C16orf95: variants seen among roughly 807,000 people sequenced by gnomAD.
C16orf95 encodes the protein uncharacterized protein C16orf95.
A neutral mutation model predicts 32.1 loss-of-function variants in C16orf95; 41 were observed. The ratio of observed to expected loss-of-function variants is 1.28; its 90% CI spans 1.00 to 1.66. The LOEUF (loss-of-function observed/expected upper bound fraction) is 1.66. Among genes scored for constraint, C16orf95 ranks in the 40% most tolerant of loss-of-function variants. C16orf95 has a pLI of 0.00. For missense variants in C16orf95, 399 were observed against 325.9 expected (o/e 1.22, Z -1.73); for synonymous variants, 147 against 128.9 (o/e 1.14, Z -0.95).
At chr16:87,306,807 T>G (rs1218548758) in intron 5 of C16orf95, among the ~76,000 whole-genome samples, 2 of 152,224 alleles carry the variant, frequency 1.3e-5, no homozygotes, top group Admixed American at 6.5e-5. Context: ...CTTGAAACAT[T>G]ACTTATATAA....
intron 5 of C16orf95, among the ~76,000 whole-genome samples, chr16:87,307,047 T>A (rs1911060487): frequency 6.6e-6 from 1 of 152,080 alleles, no homozygotes; most frequent in African/African-American, 2.4e-5. Flanking sequence ...TCCCAAGCAT[T>A]CCCCGACCCC....
chr16:87,316,095 A>C (rs1030714218), intron 1 of C16orf95, among the ~76,000 whole-genome samples: 2 of 152,220 alleles, frequency 1.3e-5, no homozygotes, highest in Admixed American at 1.3e-4. Flanking sequence ...AGCTGACTCC[A>C]GCTACACTTG....
chr16:87,316,315 G>C (rs1157884327), intron 1 of C16orf95, among the ~76,000 whole-genome samples: 1 of 152,120 alleles, frequency 6.6e-6, no homozygotes, highest in African/African-American at 2.4e-5. Context: ...CAAAGCACTT[G>C]GGGTTACACA....
chr16:87,316,468 A>T (rs1242164695), intron 1 of C16orf95, among the ~76,000 whole-genome samples: 2 of 152,214 alleles, frequency 1.3e-5, no homozygotes, highest in Middle Eastern at 3.2e-3. Context: ...TAAGAGCGAT[A>T]TAAGTGTTTT....
At chr16:87,313,775 A>C (rs151210811) in intron 3 of C16orf95, among the ~76,000 whole-genome samples, 2 of 152,310 alleles carry the variant, frequency 1.3e-5, no homozygotes, top group East Asian at 3.9e-4. Context: ...TTACAAATTG[A>C]ATCTCGGATC....
chr16:87,314,713 A>G (rs1904304801), intron 3 of C16orf95, among the ~76,000 whole-genome samples: 1 of 152,206 alleles, frequency 6.6e-6, no homozygotes, highest in African/African-American at 2.4e-5. Flanking sequence ...CTGTTTAAAA[A>G]TCACAGATCC....
rs183994350 is a variant in C16orf95 at position 87,303,060 on chromosome 16, A to C, written c.717T>G (p.Val239=). 4.6e-6 allele frequency: 7 copies of C among 1,536,122 alleles called. No homozygotes were observed. Among genetic ancestry groups the C allele is most frequent in the Non-Finnish European group, 6.1e-6 (7 of 1,146,888 alleles). ...VIMAIRQCFG[V] ...ACAGTAGCTGAAGATTCCAACTTCAAACCCCAAAACACTGGCTGGAAAGCA... is the reference window on the plus strand; with the variant it reads ...ACAGTAGCTGAAGATTCCAACTTCACACCCCAAAACACTGGCTGGAAAGCA... The change falls in exon 7 of 7, where the codon GTT becomes GTG. Residue 239 remains valine (V), a synonymous_variant. Coordinates refer to ENST00000567970, the MANE Select transcript of C16orf95 (RefSeq NM_001195124.3).
At chr16:87,315,481 G>A (rs1387342543) in intron 2 of C16orf95, among the ~76,000 whole-genome samples, 1 of 152,222 alleles carries the variant, frequency 6.6e-6, no homozygotes, top group Non-Finnish European at 1.5e-5. Flanking sequence ...TCCATCCCAT[G>A]TGACCTTCGC....
chr16:87,313,981 A>G (rs1204824311), intron 3 of C16orf95, among the ~76,000 whole-genome samples: 1 of 152,188 alleles, frequency 6.6e-6, no homozygotes, highest in African/African-American at 2.4e-5. Flanking sequence ...CTACGATGAG[A>G]CAGATACCCA....
intron 6 of C16orf95, among the ~76,000 whole-genome samples, chr16:87,304,392 CCATGCCCAG>C (rs1910916566): frequency 6.6e-6 from 1 of 151,118 alleles, no homozygotes; most frequent in Non-Finnish European, 1.5e-5. Flanking sequence ...GTGTGGGCCA[CCATGCCCAG>C]CCTTGCCCAT....
chr16:87,316,998 T>C lies in C16orf95; in HGVS notation c.152+93A>G, dbSNP rs112411198. On this transcript the variant is annotated intron_variant, in intron 1 of 6. Coordinates refer to ENST00000567970, the MANE Select transcript of C16orf95 (RefSeq NM_001195124.3). ...GGTTCCTGTGGGTGGCGGTCAAGAG[T>C]TCTGCCTGTGCATAGGTCATGGAGC... 3.3e-5 allele frequency: 46 copies of C among 1,399,862 alleles called. No homozygotes were observed. The African/African-American group carries it at 6.3e-4, about 19-fold the overall frequency. 86.7% of individuals were successfully genotyped at this position (1,399,862 alleles called of 1,614,324 possible).
chr16:87,303,456 C>T (rs1219605949), intron 6 of C16orf95: 1 of 219,590 alleles, frequency 4.6e-6, no homozygotes, highest in Non-Finnish European at 9.3e-6. Context: ...TGCTGTAGCA[C>T]ATCTCTCCAG....
chr16:87,309,537 C>T (rs1911186416), intron 5 of C16orf95, among the ~76,000 whole-genome samples: 2 of 151,728 alleles, frequency 1.3e-5, no homozygotes, highest in African/African-American at 4.8e-5. Flanking sequence ...ACATGTGCCA[C>T]CACACCCAGC....
chr16:87,315,508 A>G lies in C16orf95; in HGVS notation c.204+264T>C, dbSNP rs1380199033. ...GACCTTCGCAACACCCTCAGGCAGG[A>G]AGGAGAGGTGCTGCCATCACCTCCA... On this transcript the variant is annotated intron_variant, in intron 2 of 6. Coordinates refer to ENST00000567970, the MANE Select transcript of C16orf95 (RefSeq NM_001195124.3). Among the ~76,000 whole-genome samples, 3 of 152,324 alleles carry G rather than the reference A, an allele frequency of 2.0e-5. No homozygotes were observed. In the East Asian group the frequency reaches 5.8e-4, roughly 29 times the overall value.
chr16:87,314,633 T>G (rs1370143199), intron 3 of C16orf95, among the ~76,000 whole-genome samples: 1 of 152,184 alleles, frequency 6.6e-6, no homozygotes, highest in Non-Finnish European at 1.5e-5. Flanking sequence ...CTTACCACAT[T>G]GTACATTTGA....
rs141524047 is a variant in C16orf95 at position 87,310,065 on chromosome 16, G to A, written c.514+232C>T. On this transcript the variant is annotated intron_variant, in intron 5 of 6. Transcript: ENST00000567970. ...GGTTTCATCCAGAGAACCGATGCTG[G>A]CAGATGGGTAGGGTCTGCCTGTAGA... Among the ~76,000 whole-genome samples, 1,477 of 152,268 alleles carry A rather than the reference G, an allele frequency of 9.7e-3. 32 individuals carry two copies. The highest frequency in any genetic ancestry group is 0.034 in the African/African-American group (1,428 of 41,542).
At position 87,311,041 on chromosome 16, in the gene C16orf95, G is replaced by A. The variant is rs377279775; in HGVS notation, c.477+109C>T. The A allele has an allele frequency of 3.5e-5, 39 of 1,102,158 alleles. No homozygotes were observed. In the African/African-American group the frequency reaches 5.9e-4, roughly 17 times the overall value. The allele number at this position is 1,102,158 out of a possible 1,614,324, so 68.3% of individuals were successfully genotyped here. On this transcript the variant is annotated intron_variant, in intron 4 of 6. Transcript: ENST00000567970. The stretch of plus-strand genomic sequence containing the variant: ...TCTCTGGACACCAGCAGAGGCCTTT[G>A]TGGGAGCAGAGCCCAGGTACCCCTC...
Position 87,302,922 on chromosome 16 carries a change from G to T in C16orf95, c.*135C>A. ...AATCACCTGATGAGAAATCATTTGG[G>T]TTGAATCCTGGGTGTGGATTCTGTT... On this transcript the variant is annotated 3_prime_UTR_variant, in exon 7 of 7. Coordinates refer to ENST00000567970, the MANE Select transcript of C16orf95 (RefSeq NM_001195124.3). The T allele has an allele frequency of 1.1e-6, 1 of 905,808 alleles. No homozygotes were observed. Among genetic ancestry groups the T allele is most frequent in the Non-Finnish European group, 1.7e-6 (1 of 576,694 alleles). 56.1% of individuals were successfully genotyped at this position (905,808 alleles called of 1,614,324 possible). A position where few individuals can be genotyped will look rare whatever the true frequency, so the allele number is the denominator to read the frequency against.
At chr16:87,313,307 G>A (rs1911367367) in intron 3 of C16orf95, among the ~76,000 whole-genome samples, 1 of 152,150 alleles carries the variant, frequency 6.6e-6, no homozygotes, top group African/African-American at 2.4e-5. Context: ...AGACAGTGTA[G>A]TATTAGCATA....
Sources: allele counts gnomAD v4.1 joint callset (sites outside exome capture counted in the v4.1 genomes callset), GRCh38; gene constraint gnomAD v4.1.1; transcripts MANE v1.5; gene names NCBI Gene and HGNC (gene_info 2026-07-23, HGNC 2026-07-21).